The following LRRC7 variants were observed in gnomAD, a reference collection of about 807,000 sequenced individuals.
LRRC7 encodes leucine rich repeat containing 7, also known as leucine-rich repeat-containing protein 7.
In LRRC7, 23 loss-of-function variants were observed where a neutral mutation model predicts 175.7. The ratio of observed to expected loss-of-function variants is 0.13; its 90% CI spans 0.09 to 0.19. The LOEUF (loss-of-function observed/expected upper bound fraction) is 0.19. Ranked by LOEUF, LRRC7 falls within the 10% of genes least tolerant of loss-of-function variation. The probability of loss-of-function intolerance (pLI) is 1.00; values close to 1 mark genes in which losing one functional copy is unlikely to be tolerated. For synonymous variants in LRRC7, 685 were observed against 680.9 expected, an observed-to-expected ratio of 1.01 and a Z score of -0.09; for missense variants, 1,354 against 1,904.7, an observed-to-expected ratio of 0.71 and a Z score of 5.38.
intron 1 of LRRC7, among the ~76,000 whole-genome samples, chr1:69,659,693 A>T (rs982763147): frequency 6.6e-6 from 1 of 151,954 alleles, no homozygotes; most frequent in Non-Finnish European, 1.5e-5. Context: ...GAGAGGGTTT[A>T]AAAAATGTCT....
chr1:69,764,778 TAGACAGAC>T (rs879556337), intron 3 of LRRC7, among the ~76,000 whole-genome samples: 7 of 144,524 alleles, frequency 4.8e-5, no homozygotes, highest in African/African-American at 1.5e-4. Context: ...GATAGATAGA[TAGACAGAC>T]AGACAGATAG....
At chr1:69,778,873 T>C (rs991092381) in intron 3 of LRRC7, among the ~76,000 whole-genome samples, 69 of 150,206 alleles carry the variant, frequency 4.6e-4, no homozygotes, top group African/African-American at 1.7e-3. Context: ...AACAAATATA[T>C]ACACACACAT....
intron 7 of LRRC7, among the ~76,000 whole-genome samples, chr1:69,886,144 A>C (rs949870058): frequency 6.6e-5 from 10 of 151,932 alleles, no homozygotes; most frequent in African/African-American, 2.4e-4. Context: ...CGGTTGGTGC[A>C]GAGCTGAGTT....
intron 25 of LRRC7, among the ~76,000 whole-genome samples, chr1:70,097,108 T>C (rs759644028): frequency 2.6e-5 from 4 of 152,214 alleles, no homozygotes; most frequent in Non-Finnish European, 5.9e-5. Context: ...AATTTTTAAA[T>C]AATTATAGAA....
chr1:70,109,961 G>A (rs927189075), intron 26 of LRRC7, among the ~76,000 whole-genome samples: 4 of 152,302 alleles, frequency 2.6e-5, no homozygotes, highest in Admixed American at 1.3e-4. Flanking sequence ...TTGACACAAC[G>A]TTGCAGAGTT....
At chr1:69,879,008 C>A (rs1686303232) in intron 7 of LRRC7, among the ~76,000 whole-genome samples, 1 of 150,118 alleles carries the variant, frequency 6.7e-6, no homozygotes, top group African/African-American at 2.4e-5. Flanking sequence ...CCAAACCCAT[C>A]AAATGTACAC....
At chr1:69,859,717 G>A (rs902178811) in intron 7 of LRRC7, among the ~76,000 whole-genome samples, 10 of 151,862 alleles carry the variant, frequency 6.6e-5, no homozygotes, top group Non-Finnish European at 1.0e-4. Context: ...TAATGCTTTT[G>A]TTAAGAGCTA....
chr1:69,920,022 C>T, intron 7 of LRRC7: 1 of 448,304 alleles, frequency 2.2e-6, no homozygotes, highest in Non-Finnish European at 4.0e-6. Context: ...CCCTGTCAGT[C>T]CCCAGTTGGG....
chr1:69,663,700 ATTTTTTTTTTTTTTTTT>A (rs552339451), intron 1 of LRRC7, among the ~76,000 whole-genome samples: 1 of 67,726 alleles, frequency 1.5e-5, no homozygotes, highest in Non-Finnish European at 2.5e-5. Context: ...AATCGTTTTA[ATTTTTTTTTTTTTTTTT>A]TTTTTTTTTT....
chr1:70,118,136 G>T (rs192912812), intron 26 of LRRC7, among the ~76,000 whole-genome samples: 170 of 151,284 alleles, frequency 1.1e-3, no homozygotes, highest in African/African-American at 3.9e-3. Flanking sequence ...GGAATATTGT[G>T]ATTCTTCTGG....
At chr1:69,818,658 A>G (rs541086597) in intron 4 of LRRC7, among the ~76,000 whole-genome samples, 1 of 152,042 alleles carries the variant, frequency 6.6e-6, no homozygotes, top group Non-Finnish European at 1.5e-5. Flanking sequence ...CTTCTCTTCA[A>G]TTGTTTGAGA....
intron 8 of LRRC7, among the ~76,000 whole-genome samples, chr1:69,934,962 A>G (rs1342210127): frequency 6.6e-6 from 1 of 152,224 alleles, no homozygotes; most frequent in African/African-American, 2.4e-5. Flanking sequence ...AGCCTTCATC[A>G]GAAGAGTCAG....
intron 1 of LRRC7, among the ~76,000 whole-genome samples, chr1:69,581,541 A>G (rs1261481396): frequency 6.6e-6 from 1 of 152,158 alleles, no homozygotes; most frequent in African/African-American, 2.4e-5. Context: ...GAGGGAACTA[A>G]TTTATCCGTG....
intron 25 of LRRC7, among the ~76,000 whole-genome samples, chr1:70,104,223 A>G (rs901007894): frequency 1.3e-5 from 2 of 152,358 alleles, no homozygotes; most frequent in East Asian, 3.9e-4. Context: ...GTGCCAAAGT[A>G]TTCTTTAAAA....
intron 1 of LRRC7, among the ~76,000 whole-genome samples, chr1:69,619,331 G>A (rs1650184530): frequency 6.6e-6 from 1 of 152,074 alleles, no homozygotes; most frequent in Admixed American, 6.6e-5. Context: ...TTATCTTAAA[G>A]CAGTGGCATC....
At chr1:69,812,658 G>C (rs933190510) in intron 4 of LRRC7, among the ~76,000 whole-genome samples, 1 of 151,886 alleles carries the variant, frequency 6.6e-6, no homozygotes, top group Non-Finnish European at 1.5e-5. Flanking sequence ...TAGGACTTTT[G>C]TCTTTATTAG....
In LRRC7 at chr1:69,860,957, A is replaced by G. The variant is rs1684295487; in HGVS notation, c.647+22674A>G. Among the ~76,000 whole-genome samples the G allele has an allele frequency of 2.0e-5, 3 of 152,196 alleles. No homozygotes were observed. The South Asian group carries it at 6.2e-4, about 32-fold the overall frequency. On this transcript the variant is annotated intron_variant, in intron 7 of 26. Coordinates refer to ENST00000651989, the MANE Select transcript of LRRC7 (RefSeq NM_001370785.2). ...ATTAACTGAAATAATCTTAGAGTTT[A>G]TAGGAGACAAAATACATTATAGGTT... is the stretch of plus-strand genomic sequence containing the variant.
chr1:69,881,985 T>G (rs2101614509), intron 7 of LRRC7, among the ~76,000 whole-genome samples: 1 of 150,000 alleles, frequency 6.7e-6, no homozygotes, highest in Non-Finnish European at 1.5e-5. Flanking sequence ...CAAAATATAT[T>G]TTAAGAGTTC....
chr1:69,920,872 C>T (rs1482540263), intron 7 of LRRC7, among the ~76,000 whole-genome samples: 2 of 152,110 alleles, frequency 1.3e-5, no homozygotes, highest in Non-Finnish European at 2.9e-5. Flanking sequence ...TTGTTGGGTA[C>T]GTGGTCTCAG....
Sources: gnomAD v4.1 joint callset for allele counts (sites outside exome capture counted in the v4.1 genomes callset) on GRCh38, gnomAD v4.1.1 for gene constraint, MANE v1.5 for transcripts, NCBI Gene and HGNC (gene_info 2026-07-23, HGNC 2026-07-21) for gene names.